IFNGR2: variants seen among roughly 807,000 people sequenced by gnomAD.
IFNGR2 encodes the protein interferon gamma receptor 2, also known as IFN-gamma receptor 2.
IFNGR2 carries 15 observed loss-of-function variants against 41.1 expected under a neutral mutation model. That is an observed-to-expected ratio of 0.37 (90% CI 0.24 to 0.56). The LOEUF is 0.56. Among genes scored for constraint, IFNGR2 ranks in the 20% least tolerant of loss-of-function variants. The pLI, the probability that IFNGR2 is intolerant of heterozygous loss-of-function variation, is 0.81. For missense variants in IFNGR2, 362 were observed against 415.7 expected (o/e 0.87, Z 1.12); for synonymous variants, 161 against 171.6 (o/e 0.94, Z 0.48).
Position 33,421,695 on chromosome 21 carries a change from C to T in IFNGR2, c.412+10C>T, listed in dbSNP as rs200061826. 25 of 1,603,164 alleles carry T rather than the reference C, an allele frequency of 1.6e-5. No individual in the cohort carries two copies. Among genetic ancestry groups the T allele is most frequent in the Non-Finnish European group, 1.9e-5 (22 of 1,170,030 alleles). ...CAACACTATCGGAATGGTAAGAGAACTTGAGTATAGAACTTCCTTTATACT... is the reference window on the plus strand; with the variant it reads ...CAACACTATCGGAATGGTAAGAGAATTTGAGTATAGAACTTCCTTTATACT... On this transcript the variant is annotated intron_variant, in intron 3 of 6. Transcript: ENST00000290219.
At chr21:33,419,649 G>A (rs17878743) in intron 2 of IFNGR2, among the ~76,000 whole-genome samples, 1 of 152,170 alleles carries the variant, frequency 6.6e-6, no homozygotes, top group African/African-American at 2.4e-5. Context: ...CCCCAGTCAT[G>A]GGCGTAGACA....
At chr21:33,425,780 T>C (rs886740070) in intron 3 of IFNGR2, among the ~76,000 whole-genome samples, 3 of 152,154 alleles carry the variant, frequency 2.0e-5, no homozygotes, top group Non-Finnish European at 2.9e-5. Context: ...AACTCAGCAG[T>C]TCTTTTGCAC....
intron 3 of IFNGR2, among the ~76,000 whole-genome samples, chr21:33,425,362 G>A (rs904654821): frequency 2.6e-5 from 4 of 152,164 alleles, no homozygotes; most frequent in Non-Finnish European, 5.9e-5. Flanking sequence ...GATTGTTCTC[G>A]CCTCTAGATG....
chr21:33,407,489 C>T (rs529003814), intron 1 of IFNGR2, among the ~76,000 whole-genome samples: 1 of 152,340 alleles, frequency 6.6e-6, no homozygotes, highest in East Asian at 1.9e-4. Context: ...TCTTAATTTT[C>T]TCAGCCATTC....
chr21:33,404,413 G>A (rs1171474908), intron 1 of IFNGR2, among the ~76,000 whole-genome samples: 2 of 152,198 alleles, frequency 1.3e-5, no homozygotes, highest in African/African-American at 4.8e-5. Flanking sequence ...GGAAGAGGAA[G>A]AGTGTCAACT....
In IFNGR2 at chr21:33,403,584, G is replaced by C; in HGVS notation, c.41G>C (p.Gly14Ala). The C allele has an allele frequency of 7.3e-7, 1 of 1,376,474 alleles. No homozygotes were observed. The highest frequency in any genetic ancestry group is 9.4e-7 in the Non-Finnish European group (1 of 1,061,814). The allele number at this position is 1,376,474 out of a possible 1,614,324, so 85.3% of individuals were successfully genotyped here. A position where few individuals can be genotyped will look rare whatever the true frequency, so the allele number is the denominator to read the frequency against. ...TLLWSLLLLL[G>A]VFAAAAAAPP... ...CTGTGGTCGCTGCTGCTGCTGCTCG[G>C]AGTCTTCGCCGCCGCCGCCGCGGCC... Residue 14 changes from glycine (G) to alanine (A), a missense_variant, in exon 1 of 7, where the codon GGA (glycine) becomes GCA (alanine). Gly to Ala is a moderately conservative substitution (Grantham distance 60). Coordinates refer to ENST00000290219, the MANE Select transcript of IFNGR2 (RefSeq NM_005534.4).
intron 2 of IFNGR2, among the ~76,000 whole-genome samples, chr21:33,420,804 T>C (rs2083786119): frequency 1.3e-5 from 2 of 152,100 alleles, no homozygotes; most frequent in African/African-American, 4.8e-5. Flanking sequence ...CCCAGCACTT[T>C]GGGAGGCCAA....
intron 1 of IFNGR2, 107 bp downstream of exon 1, chr21:33,403,723 AGTGGGTGGGAATCTGCGGGGTGCTCCTG>A: frequency 2.9e-6 from 2 of 684,342 alleles, no homozygotes; most frequent in Non-Finnish European, 4.0e-6. Flanking sequence ...GGGTGCTCAG[AGTGGGTGGGAATCTGCGGGGTGCTCCTG>A]GTGGGTGGGA....
At chr21:33,409,145 C>A (rs745353465) in intron 1 of IFNGR2, among the ~76,000 whole-genome samples, 1 of 147,684 alleles carries the variant, frequency 6.8e-6, no homozygotes, top group Non-Finnish European at 1.5e-5. Context: ...CCACTACACT[C>A]TAGCCTGGGT....
intron 2 of IFNGR2, among the ~76,000 whole-genome samples, chr21:33,417,254 C>A (rs1361065621): frequency 2.0e-5 from 3 of 152,024 alleles, no homozygotes; most frequent in Non-Finnish European, 4.4e-5. Flanking sequence ...CTGTACCCAG[C>A]TAATTTTTAA....
At chr21:33,411,903 T>G (rs1240386784) in intron 1 of IFNGR2, among the ~76,000 whole-genome samples, 1 of 152,220 alleles carries the variant, frequency 6.6e-6, no homozygotes, top group Non-Finnish European at 1.5e-5. Flanking sequence ...GATGTGATTT[T>G]TTAAAATTTA....
rs1248350315 is a variant in IFNGR2 at position 33,437,146 on chromosome 21, G to C, written c.*184G>C. Reference sequence around the variant, plus strand: ...ACAAGCTTTTTTTTTTTTTCTTAAAGAATTTTCAAAATCAAATTCCAGAAT... The same window carrying C: ...ACAAGCTTTTTTTTTTTTTCTTAAACAATTTTCAAAATCAAATTCCAGAAT... On this transcript the variant is annotated 3_prime_UTR_variant, in exon 7 of 7. Coordinates refer to ENST00000290219, the MANE Select transcript of IFNGR2 (RefSeq NM_005534.4). 1.7e-6 allele frequency: 1 copy of C among 582,628 alleles called. No homozygotes were observed. The allele number at this position is 582,628 out of a possible 1,614,324, so 36.1% of individuals were successfully genotyped here.
intron 3 of IFNGR2, among the ~76,000 whole-genome samples, chr21:33,423,843 T>A (rs909495318): frequency 6.6e-6 from 1 of 151,168 alleles, no homozygotes; most frequent in Non-Finnish European, 1.5e-5. Flanking sequence ...TTTTTTTTTT[T>A]AATCAGTGGT....
intron 3 of IFNGR2, among the ~76,000 whole-genome samples, chr21:33,423,011 GTGTT>G (rs1413208685): frequency 1.0e-4 from 15 of 149,248 alleles, no homozygotes; most frequent in Admixed American, 9.4e-4. Flanking sequence ...TAGTACATGA[GTGTT>G]TGTTAATGAT....
intron 3 of IFNGR2, among the ~76,000 whole-genome samples, chr21:33,425,557 GCA>G (rs2083829242): frequency 6.6e-6 from 1 of 152,232 alleles, no homozygotes; most frequent in Admixed American, 6.5e-5. Context: ...ACGCACTTCT[GCA>G]CACTCTGCTC....
intron 6 of IFNGR2, among the ~76,000 whole-genome samples, chr21:33,434,847 T>C (rs1220147535): frequency 6.6e-6 from 1 of 152,172 alleles, no homozygotes; most frequent in Non-Finnish European, 1.5e-5. Flanking sequence ...CTCTCTCTCC[T>C]GGTAGAACTA....
At chr21:33,403,881 G>C (rs2083659053) in intron 1 of IFNGR2, among the ~76,000 whole-genome samples, 2 of 152,166 alleles carry the variant, frequency 1.3e-5, no homozygotes, top group Admixed American at 1.3e-4. Flanking sequence ...GGGCGGCCAG[G>C]AGTTCCAGAC....
chr21:33,429,460 C>T (rs2083867140), intron 4 of IFNGR2, among the ~76,000 whole-genome samples: 1 of 152,140 alleles, frequency 6.6e-6, no homozygotes, highest in Non-Finnish European at 1.5e-5. Flanking sequence ...CTGTGCCTGG[C>T]CCATACTCTG....
chr21:33,421,703 T>C lies in IFNGR2; in HGVS notation c.412+18T>C. 1 of 1,586,062 alleles carries C rather than the reference T, an allele frequency of 6.3e-7. No individual in the cohort carries two copies. The highest frequency in any genetic ancestry group is 8.7e-7 in the Non-Finnish European group (1 of 1,154,484). On this transcript the variant is annotated intron_variant, in intron 3 of 6. Coordinates refer to ENST00000290219, the MANE Select transcript of IFNGR2 (RefSeq NM_005534.4). The stretch of plus-strand genomic sequence containing the variant: ...TCGGAATGGTAAGAGAACTTGAGTA[T>C]AGAACTTCCTTTATACTTTCCAGGT...
Sources: allele counts gnomAD v4.1 joint callset (sites outside exome capture counted in the v4.1 genomes callset), GRCh38; gene constraint gnomAD v4.1.1; transcripts MANE v1.5; gene names NCBI Gene and HGNC (gene_info 2026-07-23, HGNC 2026-07-21).